The following ZDHHC11B variants were observed in gnomAD, a reference collection of about 807,000 sequenced individuals.
ZDHHC11B encodes zDHHC palmitoyltransferase 11B (putative).
A neutral mutation model predicts 42.3 loss-of-function variants in ZDHHC11B; 17 were observed. The ratio of observed to expected loss-of-function variants is 0.40; its 90% CI spans 0.27 to 0.60. The LOEUF (loss-of-function observed/expected upper bound fraction) is 0.60, where lower values mean the gene tolerates loss of function less well. Ranked by LOEUF, ZDHHC11B falls within the 20% of genes least tolerant of loss-of-function variation. The probability of loss-of-function intolerance (pLI) is 0.41; values close to 1 mark genes in which losing one functional copy is unlikely to be tolerated. For missense variants in ZDHHC11B, 262 were observed against 463.2 expected, an observed-to-expected ratio of 0.57 and a Z score of 3.99; for synonymous variants, 123 against 193.5, an observed-to-expected ratio of 0.64 and a Z score of 3.02.
intron 1 of ZDHHC11B, among the ~76,000 whole-genome samples, chr5:777,660 G>C (rs1338439094): frequency 6.6e-6 from 1 of 151,958 alleles, no homozygotes; most frequent in Non-Finnish European, 1.5e-5. Context: ...ACAGAGCGTT[G>C]ATTGGTCCAT....
At chr5:718,651 G>C (rs1482635462) in intron 12 of ZDHHC11B, among the ~76,000 whole-genome samples, 3 of 147,776 alleles carry the variant, frequency 2.0e-5, no homozygotes, top group Non-Finnish European at 4.5e-5. Flanking sequence ...AGCAGAGATT[G>C]TGCCACTGCA....
At chr5:763,979 C>A (rs1231235433) in intron 4 of ZDHHC11B, among the ~76,000 whole-genome samples, 1 of 151,886 alleles carries the variant, frequency 6.6e-6, no homozygotes, top group African/African-American at 2.4e-5. Flanking sequence ...GTACTCTCTA[C>A]CTCTATAAAC....
intron 1 of ZDHHC11B, among the ~76,000 whole-genome samples, chr5:769,991 C>T (rs1735861914): frequency 6.6e-6 from 1 of 151,918 alleles, no homozygotes; most frequent in African/African-American, 2.4e-5. Flanking sequence ...GTCCACACCA[C>T]TCGGTGCACA....
chr5:716,267 T>C (rs1741742671), intron 13 of ZDHHC11B, among the ~76,000 whole-genome samples: 1 of 151,322 alleles, frequency 6.6e-6, no homozygotes, highest in Non-Finnish European at 1.5e-5. Context: ...GTTTGCCAAC[T>C]CATGTGTGTG....
chr5:754,601 G>C (rs112877352), intron 6 of ZDHHC11B, among the ~76,000 whole-genome samples: 30,922 of 93,158 alleles, frequency 0.33, 2,248 homozygotes, highest in East Asian at 0.55. Flanking sequence ...CCATGCTCAG[G>C]GGAAACACCT....
intron 4 of ZDHHC11B, among the ~76,000 whole-genome samples, chr5:762,108 G>A (rs1256973698): frequency 1.3e-5 from 2 of 150,866 alleles, no homozygotes; most frequent in Non-Finnish European, 3.0e-5. Flanking sequence ...CATGGCCCCA[G>A]ACAGTCACTC....
At chr5:740,981 T>G (rs1370123448) in intron 10 of ZDHHC11B, among the ~76,000 whole-genome samples, 2 of 89,558 alleles carry the variant, frequency 2.2e-5, no homozygotes, top group Non-Finnish European at 5.4e-5. Context: ...TTGAATGAAG[T>G]GTGAACTGCT....
In ZDHHC11B at chr5:748,374, G is replaced by A. The variant is rs1243303811; in HGVS notation, c.784+30C>T. 9 of 1,201,674 alleles carry A rather than the reference G, an allele frequency of 7.5e-6. No homozygotes were observed. The African/African-American group carries it at 1.2e-4, about 16-fold the overall frequency. The allele number at this position is 1,201,674 out of a possible 1,614,324, so 74.4% of individuals were successfully genotyped here. A position where few individuals can be genotyped will look rare whatever the true frequency, so the allele number is the denominator to read the frequency against. On this transcript the variant is annotated intron_variant, in intron 8 of 13. Transcript: ENST00000508859. ...GCAGCTCTGACCAACCAGGCTTGGG[G>A]GGATCGGGGGCTTAGGGTGGGGGAC...
At chr5:764,722 C>T (rs969189534) in intron 4 of ZDHHC11B, among the ~76,000 whole-genome samples, 2 of 151,906 alleles carry the variant, frequency 1.3e-5, no homozygotes, top group African/African-American at 4.8e-5. Context: ...TCCCATCCAC[C>T]ACCCAAGGGC....
intron 12 of ZDHHC11B, among the ~76,000 whole-genome samples, chr5:723,034 G>A (rs1246558392): frequency 6.6e-6 from 1 of 151,650 alleles, no homozygotes; most frequent in Non-Finnish European, 1.5e-5. Context: ...TTGAAGGAAA[G>A]CAAGAGAATG....
chr5:750,999 C>T (rs1745552689), intron 7 of ZDHHC11B, 134 bp downstream of exon 7: 1 of 712,110 alleles, frequency 1.4e-6, no homozygotes, highest in Admixed American at 4.7e-5. Context: ...CGGGCCAGGT[C>T]AGAGCCTGCA....
intron 1 of ZDHHC11B, among the ~76,000 whole-genome samples, chr5:772,414 TCAAA>T (rs1736136264): frequency 6.6e-6 from 1 of 151,112 alleles, no homozygotes; most frequent in Admixed American, 6.6e-5. Flanking sequence ...GACACTGCCT[TCAAA>T]CGTTCTGAGG....
At chr5:755,325 CTG>C (rs1733664566) in intron 5 of ZDHHC11B, among the ~76,000 whole-genome samples, 1 of 135,298 alleles carries the variant, frequency 7.4e-6, no homozygotes, top group African/African-American at 2.6e-5. Context: ...GCAGGAGGAG[CTG>C]TGTCTGTGGC....
intron 9 of ZDHHC11B, among the ~76,000 whole-genome samples, chr5:743,763 T>G (rs6892757): frequency 0.2 from 29,220 of 147,016 alleles, 2,139 homozygotes; most frequent in African/African-American, 0.35. Flanking sequence ...TTAAGTGATT[T>G]AATTATCTTA....
chr5:728,181 A>G (rs1296596384), intron 12 of ZDHHC11B, among the ~76,000 whole-genome samples: 2 of 151,962 alleles, frequency 1.3e-5, no homozygotes, highest in African/African-American at 4.8e-5. Flanking sequence ...CTCATTAGTA[A>G]TAAGGAAAAT....
At chr5:729,704 C>G (rs1339938406) in intron 12 of ZDHHC11B, among the ~76,000 whole-genome samples, 10 of 149,834 alleles carry the variant, frequency 6.7e-5, no homozygotes, top group Admixed American at 4.6e-4. Context: ...CCCTAAAACT[C>G]TGGAAAATGT....
rs1244398166 is a variant in ZDHHC11B, at chr5:711,762, T to TACTGTGCTCCCATTTCCCAGC, written c.*507_*527dup. On this transcript the variant is annotated 3_prime_UTR_variant, in exon 14 of 14. Coordinates refer to ENST00000508859, the MANE Select transcript of ZDHHC11B (RefSeq NM_001351303.2). ...CCAGCACTGTGCTCCCATTTCCCAT[T>TACTGTGCTCCCATTTCCCAGC]ACTGTGCTCCCATTTCCCAGCACTG... is the stretch of plus-strand genomic sequence containing the variant. 1.3e-5 allele frequency: 2 copies of TACTGTGCTCCCATTTCCCAGC among 148,556 alleles called. No individual in the cohort carries two copies. Among genetic ancestry groups the TACTGTGCTCCCATTTCCCAGC allele is most frequent in the Admixed American group, 1.4e-4 (2 of 14,352 alleles). 9.2% of individuals were successfully genotyped at this position (148,556 alleles called of 1,614,324 possible).
chr5:720,716 ATT>A (rs1742118813), intron 12 of ZDHHC11B, among the ~76,000 whole-genome samples: 1 of 151,866 alleles, frequency 6.6e-6, no homozygotes, highest in Middle Eastern at 3.4e-3. Context: ...AATTATAAAT[ATT>A]GTTAATGGGT....
intron 6 of ZDHHC11B, among the ~76,000 whole-genome samples, chr5:752,805 C>T (rs1472369922): frequency 1.9e-5 from 2 of 104,458 alleles, no homozygotes; most frequent in Non-Finnish European, 4.3e-5. Context: ...ACGCCCTACC[C>T]TGCCCCCAGT....
Sources: gnomAD v4.1 joint callset for allele counts (sites outside exome capture counted in the v4.1 genomes callset) on GRCh38, gnomAD v4.1.1 for gene constraint, MANE v1.5 for transcripts, NCBI Gene and HGNC (gene_info 2026-07-23, HGNC 2026-07-21) for gene names.